The following C1orf21 variants were observed in gnomAD, a reference collection of about 807,000 sequenced individuals.
The protein encoded by C1orf21 is uncharacterized protein C1orf21.
A neutral mutation model predicts 18.7 loss-of-function variants in C1orf21; 3 were observed. The ratio of observed to expected loss-of-function variants is 0.16; its 90% CI spans 0.07 to 0.42. C1orf21 has a LOEUF of 0.42. Among genes scored for constraint, C1orf21 ranks in the 10% least tolerant of loss-of-function variants. The pLI, the probability that C1orf21 is intolerant of heterozygous loss-of-function variation, is 0.99. For missense variants in C1orf21, 104 were observed against 143.6 expected, an observed-to-expected ratio of 0.72 and a Z score of 1.41; for synonymous variants, 41 against 46.4, an observed-to-expected ratio of 0.88 and a Z score of 0.47.
At chr1:184,478,335 A>T (rs6659261) in intron 2 of C1orf21, among the ~76,000 whole-genome samples, 24,004 of 152,120 alleles carry the variant, frequency 0.16, 2,147 homozygotes, top group African/African-American at 0.24. Flanking sequence ...AATCAAAATG[A>T]CTTTAGGATA....
intron 1 of C1orf21, among the ~76,000 whole-genome samples, chr1:184,424,292 T>C (rs937329994): frequency 5.3e-5 from 8 of 152,326 alleles, no homozygotes; most frequent in African/African-American, 1.9e-4. Context: ...AGTGAGACTT[T>C]AGAAGTCATT....
chr1:184,506,722 G>T (rs1658067785), intron 2 of C1orf21, among the ~76,000 whole-genome samples: 1 of 152,116 alleles, frequency 6.6e-6, no homozygotes, highest in African/African-American at 2.4e-5. Context: ...CTGTTGACAG[G>T]AATCTGATGG....
chr1:184,588,111 G>C (rs1659383533), intron 3 of C1orf21, among the ~76,000 whole-genome samples: 1 of 152,090 alleles, frequency 6.6e-6, no homozygotes, highest in South Asian at 2.1e-4. Context: ...TTTTTTATAG[G>C]ACATCTTCTC....
intron 3 of C1orf21, among the ~76,000 whole-genome samples, chr1:184,538,224 G>A (rs1658590350): frequency 6.6e-6 from 1 of 152,168 alleles, no homozygotes; most frequent in Admixed American, 6.5e-5. Context: ...TAGTGAGGTT[G>A]AACATCTTTT....
At position 184,410,649 on chromosome 1, in the gene C1orf21, ATATATATATATATATTTTTT is replaced by A. The variant is rs1557965086; in HGVS notation, c.-125+23283_-125+23302del. ...TATATATATATATATATATATATAT[ATATATATATATATATTTTTT>A]TTTTTTTTTTTTGAGATGGAGTTTC... On this transcript the variant is annotated intron_variant, in intron 1 of 5. Coordinates refer to ENST00000235307, the MANE Select transcript of C1orf21 (RefSeq NM_030806.4). Among the ~76,000 whole-genome samples, 202 of 5,592 alleles carry A rather than the reference ATATATATATATATATTTTTT, an allele frequency of 0.036. 82 individuals carry two copies. In the African/African-American group the frequency reaches 0.41, roughly 11 times the overall value. 3.7% of individuals were successfully genotyped at this position (5,592 alleles called of 152,430 possible). A position where few individuals can be genotyped will look rare whatever the true frequency, so the allele number is the denominator to read the frequency against.
At chr1:184,388,394 C>T (rs1392025532) in intron 1 of C1orf21, among the ~76,000 whole-genome samples, 1 of 152,132 alleles carries the variant, frequency 6.6e-6, no homozygotes, top group Non-Finnish European at 1.5e-5. Flanking sequence ...AATAGGAAGT[C>T]GGTGACCTAT....
At chr1:184,391,174 T>G (rs1323207321) in intron 1 of C1orf21, among the ~76,000 whole-genome samples, 1 of 151,828 alleles carries the variant, frequency 6.6e-6, no homozygotes, top group African/African-American at 2.4e-5. Context: ...ATGACAAGAG[T>G]GGTTGGAGGT....
intron 3 of C1orf21, among the ~76,000 whole-genome samples, chr1:184,553,469 C>G (rs1212730434): frequency 6.6e-6 from 1 of 152,166 alleles, no homozygotes; most frequent in East Asian, 1.9e-4. Flanking sequence ...CTTACCTTGT[C>G]TTTACAATCT....
intron 1 of C1orf21, among the ~76,000 whole-genome samples, chr1:184,431,858 G>T (rs565785728): frequency 6.6e-6 from 1 of 152,196 alleles, no homozygotes; most frequent in East Asian, 1.9e-4. Context: ...TCAAAAAGTG[G>T]GCAAAGGATA....
rs35619860 is a variant in C1orf21 at position 184,548,409 on chromosome 1, CT to C, written c.189+40747del. On this transcript the variant is annotated intron_variant, in intron 3 of 5. Transcript: ENST00000235307. ...ATTCATTTTATACCCATTGCAGACT[CT>C]TTTTTTTTTTTTTTTTTTTGTTGAG... 7.2e-3 allele frequency among the ~76,000 whole-genome samples: 846 copies of C among 117,812 alleles called. 2 individuals carry two copies. Among genetic ancestry groups the C allele is most frequent in the African/African-American group, 0.025 (781 of 31,736 alleles). The allele number at this position is 117,812 out of a possible 152,430, so 77.3% of individuals were successfully genotyped here.
chr1:184,512,154 T>A (rs774274865), intron 3 of C1orf21, among the ~76,000 whole-genome samples: 23 of 152,318 alleles, frequency 1.5e-4, no homozygotes, highest in Non-Finnish European at 8.8e-5. Context: ...CTGCCCTCCT[T>A]GCTCACAGCA....
chr1:184,520,924 G>A (rs541889158), intron 3 of C1orf21, among the ~76,000 whole-genome samples: 9 of 151,900 alleles, frequency 5.9e-5, no homozygotes, highest in South Asian at 2.1e-4. Context: ...ATGGAATCTC[G>A]CTCTTGTTGC....
intron 3 of C1orf21, among the ~76,000 whole-genome samples, chr1:184,519,908 A>G (rs1184789319): frequency 6.6e-6 from 1 of 152,180 alleles, no homozygotes; most frequent in African/African-American, 2.4e-5. Context: ...TATTTTTACC[A>G]GGTTTTTGGT....
chr1:184,426,819 C>T (rs1656644407), intron 1 of C1orf21, among the ~76,000 whole-genome samples: 1 of 152,148 alleles, frequency 6.6e-6, no homozygotes, highest in Non-Finnish European at 1.5e-5. Flanking sequence ...GGTGCGATAA[C>T]ACAATGCCTG....
At chr1:184,467,987 G>GGTGTGTGT (rs71782493) in intron 1 of C1orf21, among the ~76,000 whole-genome samples, 315 of 149,026 alleles carry the variant, frequency 2.1e-3, no homozygotes, top group African/African-American at 6.8e-3. Context: ...GAGCTTTTAT[G>GGTGTGTGT]GTGTGTGTGT....
chr1:184,619,571 C>G lies in C1orf21; in HGVS notation c.*15C>G, dbSNP rs200150085. On this transcript the variant is annotated 3_prime_UTR_variant, in exon 6 of 6. Coordinates refer to ENST00000235307, the MANE Select transcript of C1orf21 (RefSeq NM_030806.4). ...ATATCACATAGCACCAATTTTACCA[C>G]TCAAACCAGGAGCTACTACTGTGTA... is the stretch of plus-strand genomic sequence containing the variant. 3.7e-6 allele frequency: 6 copies of G among 1,613,086 alleles called. No individual in the cohort carries two copies. Among genetic ancestry groups the G allele is most frequent in the Middle Eastern group, 3.3e-4 (2 of 6,060 alleles).
At chr1:184,416,872 C>A (rs1185863377) in intron 1 of C1orf21, among the ~76,000 whole-genome samples, 1 of 152,124 alleles carries the variant, frequency 6.6e-6, no homozygotes, top group African/African-American at 2.4e-5. Flanking sequence ...CTAAAGATGA[C>A]CACTCTTAGA....
At chr1:184,542,871 T>C (rs1658675385) in intron 3 of C1orf21, among the ~76,000 whole-genome samples, 1 of 152,208 alleles carries the variant, frequency 6.6e-6, no homozygotes, top group African/African-American at 2.4e-5. Context: ...ACTGCCTGCC[T>C]TCCATAGCCA....
At chr1:184,531,749 A>G (rs1658465799) in intron 3 of C1orf21, among the ~76,000 whole-genome samples, 1 of 152,142 alleles carries the variant, frequency 6.6e-6, no homozygotes, top group African/African-American at 2.4e-5. Flanking sequence ...TTGGAGGGTC[A>G]AGAGCAGGTC....
Sources: gnomAD v4.1 joint callset for allele counts (sites outside exome capture counted in the v4.1 genomes callset) on GRCh38, gnomAD v4.1.1 for gene constraint, MANE v1.5 for transcripts, NCBI Gene and HGNC (gene_info 2026-07-23, HGNC 2026-07-21) for gene names.